Variants in PCGF3 observed in about 807,000 individuals in gnomAD.
PCGF3 encodes the protein polycomb group RING finger protein 3.
Under a neutral mutation model 33.1 loss-of-function variants are expected in PCGF3, and 7 were observed. The ratio of observed to expected loss-of-function variants is 0.21; its 90% CI spans 0.12 to 0.40. The LOEUF (loss-of-function observed/expected upper bound fraction) is 0.40, where lower values mean the gene tolerates loss of function less well. Ranked by LOEUF, PCGF3 falls within the 10% of genes least tolerant of loss-of-function variation. The pLI is 1.00. For synonymous variants in PCGF3, 153 were observed against 121.3 expected (o/e 1.26, Z -1.72); for missense variants, 211 against 313.3 (o/e 0.67, Z 2.46).
intron 6 of PCGF3, among the ~76,000 whole-genome samples, chr4:738,338 T>C (rs886933789): frequency 2.6e-5 from 4 of 152,266 alleles, no homozygotes; most frequent in Admixed American, 6.5e-5. Flanking sequence ...AGTTCATTCA[T>C]GCAGGAAGAA....
At chr4:750,384 G>A (rs1259014929) in intron 8 of PCGF3, among the ~76,000 whole-genome samples, 3 of 152,096 alleles carry the variant, frequency 2.0e-5, no homozygotes, top group Non-Finnish European at 4.4e-5. Context: ...TTGTTCACTT[G>A]GGTGCAGATT....
chr4:731,406 C>A, intron 3 of PCGF3: 1 of 377,742 alleles, frequency 2.6e-6, no homozygotes, highest in South Asian at 1.2e-4. Flanking sequence ...GGGGCCGAGC[C>A]TGGGGCCTCA....
At chr4:754,391 C>CT (rs1293885382) in intron 8 of PCGF3, among the ~76,000 whole-genome samples, 4 of 152,242 alleles carry the variant, frequency 2.6e-5, no homozygotes, top group Non-Finnish European at 5.9e-5. Context: ...TGCTGCACGC[C>CT]TGCTGGAAGT....
rs894844227 is a variant in PCGF3, at chr4:730,860, C to T, written c.-150-110C>T. On this transcript the variant is annotated intron_variant, in intron 2 of 10. Coordinates refer to ENST00000362003, the Ensembl canonical transcript of PCGF3. ...TCAGTACTTCTGATTGACCCCATTC[C>T]GCCCTTTGCTCGGTAGGGCTTGGTT... The T allele has an allele frequency of 1.3e-5, 5 of 396,188 alleles. No homozygotes were observed. The Admixed American group carries it at 1.3e-4, about 10-fold the overall frequency. 24.5% of individuals were successfully genotyped at this position (396,188 alleles called of 1,614,324 possible). A position where few individuals can be genotyped will look rare whatever the true frequency, so the allele number is the denominator to read the frequency against.
At chr4:740,078 A>C (rs1049476432) in intron 6 of PCGF3, among the ~76,000 whole-genome samples, 1 of 152,274 alleles carries the variant, frequency 6.6e-6, no homozygotes, top group African/African-American at 2.4e-5. Flanking sequence ...CAATTTGTTT[A>C]GTTTTATCTG....
intron 8 of PCGF3, among the ~76,000 whole-genome samples, chr4:749,707 G>C (rs1744430883): frequency 6.6e-6 from 1 of 152,044 alleles, no homozygotes; most frequent in African/African-American, 2.4e-5. Flanking sequence ...GGCTGGTCTT[G>C]AACTCCTGAC....
rs1336076433 is a variant in PCGF3 at position 733,342 on chromosome 4, A to T, written c.-9-330A>T. On this transcript the variant is annotated intron_variant, in intron 3 of 10. Coordinates refer to ENST00000362003, the Ensembl canonical transcript of PCGF3. The stretch of plus-strand genomic sequence containing the variant: ...CTCCTTCCGCTTTCACAGAAGACAG[A>T]CAGCTCGGGGATCCTGCCTCTCTGC... Among the ~76,000 whole-genome samples the T allele has an allele frequency of 2.0e-5, 3 of 152,234 alleles. No individual in the cohort carries two copies. The East Asian group carries it at 5.8e-4, about 29-fold the overall frequency.
At chr4:765,226 G>A (rs1411608194) in intron 10 of PCGF3, among the ~76,000 whole-genome samples, 162 bp downstream of exon 10, 1 of 152,190 alleles carries the variant, frequency 6.6e-6, no homozygotes, top group Non-Finnish European at 1.5e-5. Context: ...GAGGTCAGGA[G>A]ATCCAGACAA....
chr4:765,034 G>A (rs1745284535), exon 10 of PCGF3: 2 of 1,613,754 alleles, frequency 1.2e-6, no homozygotes, highest in Non-Finnish European at 1.7e-6. Context: ...ACACACTCAA[G>A]TTCGTGGTTG....
intron 1 of PCGF3, among the ~76,000 whole-genome samples, chr4:706,201 G>A (rs878974157): frequency 1.6e-5 from 2 of 124,086 alleles, no homozygotes; most frequent in Non-Finnish European, 3.5e-5. Context: ...AGGGCCAAGA[G>A]CCCAGCCCAG....
chr4:715,473 C>T (rs1474501177), intron 1 of PCGF3, among the ~76,000 whole-genome samples: 1,684 of 124,244 alleles, frequency 0.014, no homozygotes, highest in Non-Finnish European at 0.02. Flanking sequence ...GAGAACTGGG[C>T]GTCTGTGCTG....
chr4:718,612 A>C (rs926691708), intron 1 of PCGF3, among the ~76,000 whole-genome samples: 1 of 152,254 alleles, frequency 6.6e-6, no homozygotes, highest in Non-Finnish European at 1.5e-5. Flanking sequence ...TGGCCCCCAC[A>C]GTGCCACGGT....
chr4:724,495 G>GT (rs1743244520), intron 1 of PCGF3, among the ~76,000 whole-genome samples: 1 of 152,230 alleles, frequency 6.6e-6, no homozygotes, highest in Non-Finnish European at 1.5e-5. Flanking sequence ...TCTGTCTTTT[G>GT]TTTATTTACT....
chr4:716,843 A>C (rs578166241), intron 1 of PCGF3, among the ~76,000 whole-genome samples: 1 of 117,152 alleles, frequency 8.5e-6, no homozygotes, highest in Non-Finnish European at 1.7e-5. Context: ...CGGTGCTGGG[A>C]CCCTCTAGAC....
intron 1 of PCGF3, among the ~76,000 whole-genome samples, chr4:729,929 C>G (rs562119831): frequency 6.6e-5 from 10 of 152,176 alleles, no homozygotes; most frequent in Admixed American, 4.6e-4. Flanking sequence ...GGGAGGCCAC[C>G]GAGGTTCCCG....
intron 1 of PCGF3, among the ~76,000 whole-genome samples, chr4:722,936 TCCACACTCGCGA>T (rs1743168552): frequency 8.5e-6 from 1 of 118,024 alleles, no homozygotes; most frequent in African/African-American, 3.3e-5. Context: ...CCACGCCGGG[TCCACACTCGCGA>T]CATCGCCCGC....
At chr4:718,037 A>G (rs1477791301) in intron 1 of PCGF3, among the ~76,000 whole-genome samples, 1 of 152,106 alleles carries the variant, frequency 6.6e-6, no homozygotes, top group Non-Finnish European at 1.5e-5. Flanking sequence ...AAGGCACAGC[A>G]GATTGGTTTC....
chr4:737,968 A>T (rs1386291319), intron 6 of PCGF3, among the ~76,000 whole-genome samples: 2 of 152,288 alleles, frequency 1.3e-5, no homozygotes, highest in Non-Finnish European at 2.9e-5. Flanking sequence ...TTTAGAATTA[A>T]AAGAAATACC....
At chr4:765,965 C>G (rs145498877) in intron 10 of PCGF3, 67 bp from the exon 11 acceptor site, 4 of 1,438,042 alleles carry the variant, frequency 2.8e-6, no homozygotes, top group Middle Eastern at 1.8e-4. Flanking sequence ...GCACCCTTCC[C>G]GATGAAGTAG....
Sources: gnomAD v4.1 joint callset for allele counts (sites outside exome capture counted in the v4.1 genomes callset) on GRCh38, gnomAD v4.1.1 for gene constraint, MANE v1.5 for transcripts, NCBI Gene and HGNC (gene_info 2026-07-23, HGNC 2026-07-21) for gene names.